The following CHST11 variants were observed in gnomAD, a reference collection of about 807,000 sequenced individuals.
CHST11 encodes carbohydrate sulfotransferase 11, also known as C4S-1.
A neutral mutation model predicts 30.4 loss-of-function variants in CHST11; 9 were observed. The ratio of observed to expected loss-of-function variants is 0.30; its 90% CI spans 0.18 to 0.52. The LOEUF (loss-of-function observed/expected upper bound fraction) is 0.52. Ranked by LOEUF, CHST11 falls within the 20% of genes least tolerant of loss-of-function variation. CHST11 has a pLI of 0.97. For synonymous variants in CHST11, 152 were observed against 187.8 expected, an observed-to-expected ratio of 0.81 and a Z score of 1.56; for missense variants, 348 against 460.6, an observed-to-expected ratio of 0.76 and a Z score of 2.24.
intron 1 of CHST11, among the ~76,000 whole-genome samples, chr12:104,578,992 A>C (rs1314251997): frequency 1.3e-5 from 2 of 152,230 alleles, no homozygotes; most frequent in Non-Finnish European, 2.9e-5. Flanking sequence ...TACTCAAAGT[A>C]GCAACAAAAA....
At chr12:104,633,412 CTTTTT>C (rs34686417) in intron 2 of CHST11, among the ~76,000 whole-genome samples, 1 of 111,878 alleles carries the variant, frequency 8.9e-6, no homozygotes. Flanking sequence ...CTCCCTCTGT[CTTTTT>C]TTTTTTTTTT....
intron 1 of CHST11, among the ~76,000 whole-genome samples, chr12:104,487,232 G>A (rs1370233869): frequency 2.0e-5 from 3 of 152,108 alleles, no homozygotes; most frequent in Non-Finnish European, 4.4e-5. Flanking sequence ...GCTATGCCAG[G>A]TGCTTTAGAA....
chr12:104,544,136 AAAAAAG>A (rs1176349489), intron 1 of CHST11, among the ~76,000 whole-genome samples: 1 of 73,184 alleles, frequency 1.4e-5, no homozygotes, highest in African/African-American at 4.5e-5. Flanking sequence ...AAAAAAAAAA[AAAAAAG>A]AAAGAAAGAA....
intron 1 of CHST11, among the ~76,000 whole-genome samples, chr12:104,564,182 G>A (rs377679022): frequency 1.6e-4 from 25 of 152,200 alleles, no homozygotes; most frequent in Middle Eastern, 6.8e-3. Flanking sequence ...GGGTCTCCTC[G>A]GTGTGTCTTC....
rs751012793 is a variant in CHST11, at chr12:104,672,934, G to T, written c.204+70943G>T. ...TGCCATAATGAATCACCACAGACCAGGTGGCTTAAAACAACAGAAATGTAT... is the reference window on the plus strand; with the variant it reads ...TGCCATAATGAATCACCACAGACCATGTGGCTTAAAACAACAGAAATGTAT... On this transcript the variant is annotated intron_variant, in intron 2 of 2. Transcript: ENST00000303694. 5.7e-4 allele frequency among the ~76,000 whole-genome samples: 87 copies of T among 152,276 alleles called. No homozygotes were observed. The Middle Eastern group carries it at 0.017, about 30-fold the overall frequency.
chr12:104,564,032 A>C (rs1031624716), intron 1 of CHST11, among the ~76,000 whole-genome samples: 2 of 152,148 alleles, frequency 1.3e-5, no homozygotes, highest in African/African-American at 4.8e-5. Context: ...GGAGACACCC[A>C]GGAGCATCGA....
intron 2 of CHST11, among the ~76,000 whole-genome samples, chr12:104,637,846 C>G (rs2039340226): frequency 6.6e-6 from 1 of 152,194 alleles, no homozygotes; most frequent in Non-Finnish European, 1.5e-5. Context: ...CATCTCCTCC[C>G]TTCTCCCTTT....
At chr12:104,744,434 C>T (rs1309294415) in intron 2 of CHST11, among the ~76,000 whole-genome samples, 3 of 152,138 alleles carry the variant, frequency 2.0e-5, no homozygotes, top group Non-Finnish European at 4.4e-5. Flanking sequence ...ATCCTCTGCC[C>T]ACTTTTTTAT....
chr12:104,538,069 C>T (rs2038254866), intron 1 of CHST11, among the ~76,000 whole-genome samples: 1 of 152,150 alleles, frequency 6.6e-6, no homozygotes, highest in Admixed American at 6.5e-5. Flanking sequence ...TAACTGATGA[C>T]CATATTTTAC....
chr12:104,483,164 G>C (rs1180502945), intron 1 of CHST11, among the ~76,000 whole-genome samples: 1 of 152,078 alleles, frequency 6.6e-6, no homozygotes, highest in Non-Finnish European at 1.5e-5. Flanking sequence ...TCACATCCCA[G>C]TTCCTGAAGG....
At chr12:104,579,741 G>T (rs571987182) in intron 1 of CHST11, among the ~76,000 whole-genome samples, 1 of 152,182 alleles carries the variant, frequency 6.6e-6, no homozygotes, top group Non-Finnish European at 1.5e-5. Context: ...TCTGTTGCCC[G>T]CTCTAATTGT....
intron 2 of CHST11, among the ~76,000 whole-genome samples, chr12:104,734,281 G>A (rs1287493588): frequency 6.6e-6 from 1 of 152,250 alleles, no homozygotes; most frequent in Non-Finnish European, 1.5e-5. Context: ...AGAGCTGCTT[G>A]AGGAAAATTC....
chr12:104,646,630 C>A (rs1450337403), intron 2 of CHST11, among the ~76,000 whole-genome samples: 1 of 104,732 alleles, frequency 9.5e-6, no homozygotes, highest in African/African-American at 3.6e-5. Context: ...TAGTTGACTA[C>A]AGAGGTTGCA....
intron 2 of CHST11, among the ~76,000 whole-genome samples, chr12:104,748,525 C>G (rs143604265): frequency 1.4e-5 from 2 of 147,618 alleles, no homozygotes; most frequent in African/African-American, 2.5e-5. Flanking sequence ...ACACCTGGAG[C>G]GCATGCCCGG....
intron 2 of CHST11, among the ~76,000 whole-genome samples, chr12:104,651,471 T>C (rs1336838884): frequency 6.6e-6 from 1 of 152,160 alleles, no homozygotes; most frequent in African/African-American, 2.4e-5. Context: ...GAAAAACAGC[T>C]TAAATAAAAT....
intron 1 of CHST11, among the ~76,000 whole-genome samples, chr12:104,477,778 T>C (rs1047694479): frequency 1.3e-5 from 2 of 152,198 alleles, no homozygotes; most frequent in African/African-American, 4.8e-5. Flanking sequence ...TATTTTGATA[T>C]AGCAGTCCAA....
Position 104,540,853 on chromosome 12 carries a change from G to A in CHST11, c.119-61053G>A, listed in dbSNP as rs562092930. Among the ~76,000 whole-genome samples the A allele has an allele frequency of 2.6e-5, 4 of 152,286 alleles. No homozygotes were observed. The South Asian group carries it at 6.2e-4, about 24-fold the overall frequency. On this transcript the variant is annotated intron_variant, in intron 1 of 2. Coordinates refer to ENST00000303694, the MANE Select transcript of CHST11 (RefSeq NM_018413.6). The stretch of plus-strand genomic sequence containing the variant: ...GTTTATTTCGTGGTCTTACCTGATC[G>A]TGTGTGGATTGAAGTGAAGGGGTGA...
At chr12:104,700,185 A>G (rs1278669509) in intron 2 of CHST11, among the ~76,000 whole-genome samples, 1 of 152,222 alleles carries the variant, frequency 6.6e-6, no homozygotes, top group Non-Finnish European at 1.5e-5. Flanking sequence ...TCTTCCAACT[A>G]AATTCCAGTA....
intron 1 of CHST11, among the ~76,000 whole-genome samples, chr12:104,459,514 C>T (rs1009087410): frequency 1.3e-5 from 2 of 152,200 alleles, no homozygotes; most frequent in African/African-American, 4.8e-5. Flanking sequence ...CTTCTGTGTA[C>T]CTGTTAATTG....
Sources: gnomAD v4.1 joint callset for allele counts (sites outside exome capture counted in the v4.1 genomes callset) on GRCh38, gnomAD v4.1.1 for gene constraint, MANE v1.5 for transcripts, NCBI Gene and HGNC (gene_info 2026-07-23, HGNC 2026-07-21) for gene names.